The following GOLGA8A variants were observed in gnomAD, a reference collection of about 807,000 sequenced individuals.
GOLGA8A encodes golgin subfamily A member 8A.
Under a neutral mutation model 22.1 loss-of-function variants are expected in GOLGA8A, and 3 were observed. The ratio of observed to expected loss-of-function variants is 0.14; its 90% CI spans 0.06 to 0.35. The LOEUF is 0.35. Ranked by LOEUF, GOLGA8A falls within the 10% of genes least tolerant of loss-of-function variation. GOLGA8A has a pLI of 1.00. For missense variants in GOLGA8A, 16 were observed against 233.2 expected (o/e 0.07, Z 6.07); for synonymous variants, 7 against 91.7 (o/e 0.08, Z 5.28).
chr15:34,418,334 G>A (rs1260359708), intron 2 of GOLGA8A: 1 of 140,018 alleles, frequency 7.1e-6, no homozygotes, highest in Non-Finnish European at 1.5e-5. Flanking sequence ...AATTTTAGAT[G>A]TTTTCAGGCT....
chr15:34,423,315 A>G, intron 2 of GOLGA8A, among the ~76,000 whole-genome samples: 1 of 121,048 alleles, frequency 8.3e-6, no homozygotes, highest in South Asian at 3.0e-4. Context: ...CCCACCCATC[A>G]GTCCCAAGCC....
intron 2 of GOLGA8A, among the ~76,000 whole-genome samples, chr15:34,434,223 C>G (rs1047330921): frequency 6.7e-6 from 1 of 149,120 alleles, no homozygotes; most frequent in Non-Finnish European, 1.5e-5. Flanking sequence ...AAAATCAGGC[C>G]GAGACACATG....
At chr15:34,431,767 T>TA (rs1182741844) in intron 2 of GOLGA8A, among the ~76,000 whole-genome samples, 4 of 148,070 alleles carry the variant, frequency 2.7e-5, no homozygotes, top group African/African-American at 7.5e-5. Context: ...GGCTACATTT[T>TA]AAAAAAATAT....
intron 1 of GOLGA8A, among the ~76,000 whole-genome samples, chr15:34,436,096 T>G (rs1893496076): frequency 6.7e-6 from 1 of 148,740 alleles, no homozygotes; most frequent in South Asian, 2.2e-4. Flanking sequence ...CCCTGCGTAG[T>G]GGCCACACCT....
chr15:34,434,899 G>A lies in GOLGA8A; in HGVS notation c.-1123+484C>T, dbSNP rs559829073. Among the ~76,000 whole-genome samples, 5 of 149,522 alleles carry A rather than the reference G, an allele frequency of 3.3e-5. 1 individual carries two copies. Among genetic ancestry groups the A allele is most frequent in the African/African-American group, 4.9e-5 (2 of 40,486 alleles). ...GCCTGTGAGTGGTACAGCCAGGGCC[G>A]CTGCCCAGGCCCAGAGCTCTCTCCG... On this transcript the variant is annotated intron_variant, in intron 2 of 24. Coordinates refer to ENST00000359187, the MANE Select transcript of GOLGA8A (RefSeq NM_181077.5).
At chr15:34,424,490 T>G (rs1459579391) in intron 2 of GOLGA8A, among the ~76,000 whole-genome samples, 2 of 146,290 alleles carry the variant, frequency 1.4e-5, no homozygotes, top group Non-Finnish European at 3.0e-5. Flanking sequence ...TGAAGCAAGG[T>G]GGGCAGGCAG....
At chr15:34,426,196 A>C (rs866356592) in intron 2 of GOLGA8A, among the ~76,000 whole-genome samples, 6 of 149,644 alleles carry the variant, frequency 4.0e-5, no homozygotes, top group African/African-American at 7.4e-5. Context: ...AAAACGGAAC[A>C]ACCCAAAAGT....
intron 2 of GOLGA8A, among the ~76,000 whole-genome samples, chr15:34,431,316 T>TATATATATATATATATATAC (rs1893232596): frequency 8.7e-5 from 1 of 11,542 alleles, no homozygotes; most frequent in African/African-American, 2.3e-4. Context: ...TATATACATA[T>TATATATATATATATATATAC]ATATATATAT....
chr15:34,426,830 G>A (rs1893004015), intron 2 of GOLGA8A, among the ~76,000 whole-genome samples: 1 of 143,220 alleles, frequency 7.0e-6, no homozygotes, highest in South Asian at 2.5e-4. Context: ...GATTGCCTGA[G>A]CCCAGGAGTT....
chr15:34,431,312 CATATATATAT>C (rs1157766795), intron 2 of GOLGA8A, among the ~76,000 whole-genome samples: 701 of 45,738 alleles, frequency 0.015, 31 homozygotes, highest in African/African-American at 0.041. Context: ...TATATATATA[CATATATATAT>C]ATATATATAT....
At chr15:34,434,948 G>C (rs531547644) in intron 2 of GOLGA8A, among the ~76,000 whole-genome samples, 7 of 149,652 alleles carry the variant, frequency 4.7e-5, no homozygotes, top group South Asian at 2.1e-4. Context: ...CAGGCTGCAA[G>C]GCAGGGCATG....
chr15:34,416,320 T>C (rs1008887212), intron 2 of GOLGA8A: 11 of 147,906 alleles, frequency 7.4e-5, no homozygotes, highest in African/African-American at 2.5e-4. Flanking sequence ...TAAGGAGCTA[T>C]TTTGATACTC....
intron 2 of GOLGA8A, among the ~76,000 whole-genome samples, chr15:34,421,359 A>C (rs1483222287): frequency 2.8e-5 from 4 of 142,742 alleles, no homozygotes; most frequent in African/African-American, 1.0e-4. Flanking sequence ...CCCATTAGGA[A>C]CACTGTCATT....
At chr15:34,430,978 G>A (rs1196108103) in intron 2 of GOLGA8A, among the ~76,000 whole-genome samples, 3 of 146,452 alleles carry the variant, frequency 2.0e-5, no homozygotes, top group African/African-American at 7.5e-5. Context: ...AGAGCACATG[G>A]CTCACTTATT....
At chr15:34,419,928 T>G (rs1040594656) in intron 2 of GOLGA8A, 1 of 139,194 alleles carries the variant, frequency 7.2e-6, no homozygotes, top group Non-Finnish European at 1.5e-5. Context: ...AGACAGAAAG[T>G]AGAATGGTGG....
At chr15:34,424,144 C>A (rs1440801111) in intron 2 of GOLGA8A, among the ~76,000 whole-genome samples, 22 of 146,252 alleles carry the variant, frequency 1.5e-4, no homozygotes, top group Admixed American at 1.4e-3. Context: ...CTCCCTAAGA[C>A]CCCTCTCCTC....
At chr15:34,437,366 G>T (rs1893579323) in intron 1 of GOLGA8A, 32 bp downstream of exon 1, 1 of 142,524 alleles carries the variant, frequency 7.0e-6, no homozygotes, top group Non-Finnish European at 1.6e-5. Flanking sequence ...GCCGCCGCCA[G>T]CGAGTCAGGC....
At chr15:34,424,061 C>G (rs1177816640) in intron 2 of GOLGA8A, among the ~76,000 whole-genome samples, 3 of 148,338 alleles carry the variant, frequency 2.0e-5, no homozygotes, top group Non-Finnish European at 4.5e-5. Context: ...AAAGCCACAT[C>G]CTCTAAGGCC....
chr15:34,409,083 T>C (rs1426507530), intron 2 of GOLGA8A, among the ~76,000 whole-genome samples: 2 of 125,302 alleles, frequency 1.6e-5, no homozygotes, highest in Admixed American at 8.2e-5. Context: ...CCCTCCCACC[T>C]CTCTCCCCCC....
Sources: gnomAD v4.1 joint callset for allele counts (sites outside exome capture counted in the v4.1 genomes callset) on GRCh38, gnomAD v4.1.1 for gene constraint, MANE v1.5 for transcripts, NCBI Gene and HGNC (gene_info 2026-07-23, HGNC 2026-07-21) for gene names.